CSMD1: variants seen among roughly 807,000 people sequenced by gnomAD.
CSMD1 encodes CUB and Sushi multiple domains 1, also known as CUB and sushi domain-containing protein 1.
Under a neutral mutation model 417.5 loss-of-function variants are expected in CSMD1, and 213 were observed. That is an observed-to-expected ratio of 0.51 (90% confidence interval 0.46 to 0.57). CSMD1 has a LOEUF of 0.57. Ranked by LOEUF, CSMD1 falls within the 20% of genes least tolerant of loss-of-function variation. CSMD1 has a pLI of 0.00. For missense variants in CSMD1, 6,923 were observed against 4,529.7 expected (o/e 1.53, Z -15.17); for synonymous variants, 2,862 against 1,736.8 (o/e 1.65, Z -16.11).
At chr8:3,532,204 C>T (rs1335632110) in intron 10 of CSMD1, among the ~76,000 whole-genome samples, 5 of 152,110 alleles carry the variant, frequency 3.3e-5, no homozygotes, top group Non-Finnish European at 7.3e-5. Flanking sequence ...TTAGTATGTC[C>T]GTGTCCTTGA....
At chr8:3,656,881 C>T (rs532455051) in intron 7 of CSMD1, among the ~76,000 whole-genome samples, 2 of 151,310 alleles carry the variant, frequency 1.3e-5, no homozygotes, top group East Asian at 3.9e-4. Context: ...GCCAAGATCA[C>T]ACCACTGCAC....
chr8:4,814,298 C>T (rs573276718), intron 1 of CSMD1, among the ~76,000 whole-genome samples: 5 of 152,160 alleles, frequency 3.3e-5, no homozygotes, highest in South Asian at 4.1e-4. Flanking sequence ...CAGGCTGGAG[C>T]GCAATGGCAC....
At chr8:4,912,051 A>G (rs1301811021) in intron 1 of CSMD1, among the ~76,000 whole-genome samples, 2 of 151,562 alleles carry the variant, frequency 1.3e-5, no homozygotes, top group Non-Finnish European at 1.5e-5. Flanking sequence ...AAGAAAAAGA[A>G]AAAGAAAAAA....
In CSMD1 at chr8:4,052,542, A is replaced by T. The variant is rs192654920; in HGVS notation, c.416-20443T>A. On this transcript the variant is annotated intron_variant, in intron 3 of 69. Transcript: ENST00000635120. ...ATTTAGTTTGCTAGAACGTCAATGC[A>T]CCAAATTTGAGGAAGCAAGCTGAGA... Among the ~76,000 whole-genome samples the T allele has an allele frequency of 3.3e-5, 5 of 152,172 alleles. No individual in the cohort carries two copies. The East Asian group carries it at 9.7e-4, about 30-fold the overall frequency.
At chr8:3,969,040 C>G (rs1190311314) in intron 5 of CSMD1, among the ~76,000 whole-genome samples, 1 of 152,084 alleles carries the variant, frequency 6.6e-6, no homozygotes, top group Non-Finnish European at 1.5e-5. Context: ...CACTTGAGTT[C>G]AGGAGTTCGA....
At chr8:3,268,289 A>T (rs6980666) in intron 26 of CSMD1, among the ~76,000 whole-genome samples, 27,478 of 85,114 alleles carry the variant, frequency 0.32, 3,778 homozygotes, top group South Asian at 0.4. Context: ...TTCATTTCCT[A>T]TTTTTTTTTT....
rs2117306778 is a variant in CSMD1, at chr8:4,955,826, A to ACCC, written c.85+38505_85+38506insGGG. The stretch of plus-strand genomic sequence containing the variant: ...CAAATTGGCCAACATGGGAATATTT[A>ACCC]GGTCGTAGAAATTGGCAAACACTGC... On this transcript the variant is annotated intron_variant, in intron 1 of 69. Transcript: ENST00000635120. Among the ~76,000 whole-genome samples the ACCC allele has an allele frequency of 2.1e-5, 3 of 143,920 alleles. 1 individual carries two copies. The East Asian group carries it at 6.7e-4, about 32-fold the overall frequency. 94.4% of individuals were successfully genotyped at this position (143,920 alleles called of 152,430 possible). A position where few individuals can be genotyped will look rare whatever the true frequency, so the allele number is the denominator to read the frequency against.
chr8:3,147,216 C>A (rs10110709), intron 40 of CSMD1, among the ~76,000 whole-genome samples: 24,315 of 151,980 alleles, frequency 0.16, 2,010 homozygotes, highest in South Asian at 0.2. Flanking sequence ...ACGATTTTTT[C>A]TTTTTTCTTT....
intron 5 of CSMD1, among the ~76,000 whole-genome samples, chr8:3,884,176 C>T (rs1806396548): frequency 6.6e-6 from 1 of 152,110 alleles, no homozygotes; most frequent in Non-Finnish European, 1.5e-5. Context: ...ACTCAGGTGG[C>T]TTTAAATTCA....
intron 2 of CSMD1, among the ~76,000 whole-genome samples, chr8:4,480,001 G>C (rs1364206807): frequency 6.6e-6 from 1 of 150,872 alleles, no homozygotes; most frequent in Middle Eastern, 3.4e-3. Context: ...ACAAAAAAAA[G>C]CAAACTGGAT....
chr8:4,680,953 T>C (rs1563130285), intron 1 of CSMD1, among the ~76,000 whole-genome samples: 2 of 81,000 alleles, frequency 2.5e-5, no homozygotes, highest in African/African-American at 1.4e-4. Context: ...TATATTGATG[T>C]GTGTGTGTGT....
chr8:3,502,033 T>C (rs1371023437), intron 10 of CSMD1, among the ~76,000 whole-genome samples: 9 of 152,314 alleles, frequency 5.9e-5, no homozygotes, highest in African/African-American at 1.9e-4. Context: ...CATAACCAAC[T>C]ATATGCTTAT....
intron 5 of CSMD1, among the ~76,000 whole-genome samples, chr8:3,951,231 G>A (rs1811574678): frequency 1.3e-5 from 2 of 152,162 alleles, no homozygotes; most frequent in Non-Finnish European, 2.9e-5. Flanking sequence ...GCACAGGCGG[G>A]CACGGGTCTG....
intron 50 of CSMD1, among the ~76,000 whole-genome samples, chr8:3,048,659 T>C (rs532572192): frequency 5.9e-5 from 9 of 152,240 alleles, no homozygotes; most frequent in Admixed American, 2.6e-4. Flanking sequence ...AAAATTGTGG[T>C]GCCCTTGGGT....
At chr8:4,387,102 G>C (rs988394194) in intron 3 of CSMD1, among the ~76,000 whole-genome samples, 1 of 152,118 alleles carries the variant, frequency 6.6e-6, no homozygotes, top group African/African-American at 2.4e-5. Flanking sequence ...AATAGAGTTA[G>C]GATAAATGGA....
intron 6 of CSMD1, among the ~76,000 whole-genome samples, chr8:3,713,118 T>C (rs887463088): frequency 2.6e-5 from 4 of 152,068 alleles, no homozygotes; most frequent in African/African-American, 9.7e-5. Flanking sequence ...GGAAGATAAA[T>C]TATGGGGGAA....
intron 5 of CSMD1, among the ~76,000 whole-genome samples, chr8:3,818,625 G>A (rs1181382746): frequency 6.6e-6 from 1 of 152,072 alleles, no homozygotes; most frequent in East Asian, 1.9e-4. Context: ...GGTCCCATGG[G>A]TCCCCACAGC....
At chr8:3,232,266 T>A (rs1399367712) in intron 26 of CSMD1, among the ~76,000 whole-genome samples, 1 of 152,222 alleles carries the variant, frequency 6.6e-6, no homozygotes, top group Non-Finnish European at 1.5e-5. Flanking sequence ...TGAAATCAAA[T>A]GCTTAACTGG....
intron 1 of CSMD1, among the ~76,000 whole-genome samples, chr8:4,804,864 C>T (rs1197132575): frequency 1.3e-5 from 2 of 152,194 alleles, no homozygotes; most frequent in Non-Finnish European, 2.9e-5. Context: ...CATTGTCTAA[C>T]AGCCTGTACC....
Sources: gnomAD v4.1 joint callset for allele counts (sites outside exome capture counted in the v4.1 genomes callset) on GRCh38, gnomAD v4.1.1 for gene constraint, MANE v1.5 for transcripts, NCBI Gene and HGNC (gene_info 2026-07-23, HGNC 2026-07-21) for gene names.